Variants in GDPD4 observed in about 807,000 individuals in gnomAD.
GDPD4 encodes glycerophosphodiester phosphodiesterase 6.
Under a neutral mutation model 67.8 loss-of-function variants are expected in GDPD4, and 60 were observed. The ratio of observed to expected loss-of-function variants is 0.88; its 90% CI spans 0.72 to 1.10. GDPD4 has a LOEUF of 1.10. GDPD4 is among the 50% of genes least tolerant of loss of function. The pLI is 0.00. For missense variants in GDPD4, 623 were observed against 613.9 expected (o/e 1.01, Z -0.16); for synonymous variants, 212 against 210.9 (o/e 1.00, Z -0.04).
intron 1 of GDPD4, among the ~76,000 whole-genome samples, chr11:77,293,217 C>G (rs1937840346): frequency 6.6e-6 from 1 of 152,176 alleles, no homozygotes. Context: ...AATCCAAATG[C>G]AAAAATTCTT....
chr11:77,235,702 C>T (rs1247204704), intron 13 of GDPD4, among the ~76,000 whole-genome samples: 1 of 152,160 alleles, frequency 6.6e-6, no homozygotes, highest in Non-Finnish European at 1.5e-5. Flanking sequence ...TGCCTATAAT[C>T]CCAATGCTTT....
chr11:77,255,516 A>G (rs1958986666), intron 11 of GDPD4, among the ~76,000 whole-genome samples: 1 of 152,104 alleles, frequency 6.6e-6, no homozygotes, highest in Admixed American at 6.6e-5. Flanking sequence ...GTGTGCCGAG[A>G]TCATGCCACT....
intron 10 of GDPD4, among the ~76,000 whole-genome samples, chr11:77,264,987 T>A (rs1358817528): frequency 1.3e-5 from 2 of 152,116 alleles, no homozygotes; most frequent in African/African-American, 4.8e-5. Context: ...CTGAAATCAT[T>A]TTATTATCAA....
chr11:77,281,653 G>A (rs1163919825), intron 3 of GDPD4, among the ~76,000 whole-genome samples: 2 of 152,190 alleles, frequency 1.3e-5, no homozygotes, highest in Non-Finnish European at 2.9e-5. Context: ...GGAAGCTCTT[G>A]TAAACTTCAC....
At chr11:77,297,515 G>A (rs978290796) in intron 1 of GDPD4, among the ~76,000 whole-genome samples, 12 of 147,812 alleles carry the variant, frequency 8.1e-5, no homozygotes, top group African/African-American at 2.5e-4. Flanking sequence ...CAGCCTGGAC[G>A]ACAGAGCGAG....
intron 16 of GDPD4, among the ~76,000 whole-genome samples, chr11:77,222,318 G>C (rs189304705): frequency 3.3e-5 from 5 of 152,140 alleles, no homozygotes; most frequent in African/African-American, 9.7e-5. Context: ...TCCTAGCTTT[G>C]ACGGTCTTTA....
chr11:77,239,031 G>A (rs943013389), intron 13 of GDPD4, among the ~76,000 whole-genome samples: 12 of 152,164 alleles, frequency 7.9e-5, no homozygotes, highest in Non-Finnish European at 1.3e-4. Context: ...GATACAAGGA[G>A]GGTTCATCAT....
At chr11:77,244,984 G>A (rs183985280) in intron 12 of GDPD4, among the ~76,000 whole-genome samples, 6 of 152,206 alleles carry the variant, frequency 3.9e-5, no homozygotes, top group Admixed American at 6.5e-5. Context: ...ATGTTGGTGT[G>A]GTGCAGGTCA....
At chr11:77,237,367 T>A (rs1331164554) in intron 13 of GDPD4, among the ~76,000 whole-genome samples, 1 of 152,222 alleles carries the variant, frequency 6.6e-6, no homozygotes, top group East Asian at 1.9e-4. Flanking sequence ...TGATCTGCAA[T>A]CTAATCCTTT....
chr11:77,294,608 A>C (rs1221625266), intron 1 of GDPD4, among the ~76,000 whole-genome samples: 1 of 152,202 alleles, frequency 6.6e-6, no homozygotes, highest in Admixed American at 6.5e-5. Flanking sequence ...TTCCAATCAA[A>C]ATCTCTGAGG....
chr11:77,217,521 CT>C, intron 16 of GDPD4, among the ~76,000 whole-genome samples: 1 of 2,130 alleles, frequency 4.7e-4, no homozygotes, highest in Middle Eastern at 0.12. Context: ...TAAGAGTCTA[CT>C]ACTGCATGAG....
At chr11:77,231,718 A>G (rs1449338541) in intron 14 of GDPD4, among the ~76,000 whole-genome samples, 2 of 152,224 alleles carry the variant, frequency 1.3e-5, no homozygotes, top group African/African-American at 4.8e-5. Flanking sequence ...TTCAGGGGAT[A>G]GGATTATGGA....
intron 3 of GDPD4, among the ~76,000 whole-genome samples, chr11:77,283,517 A>G (rs1019225959): frequency 7.2e-5 from 11 of 152,030 alleles, no homozygotes; most frequent in African/African-American, 2.2e-4. Flanking sequence ...ATTTATAAAT[A>G]TAAATAAATA....
intron 3 of GDPD4, among the ~76,000 whole-genome samples, chr11:77,283,143 A>G (rs879434694): frequency 1.4e-4 from 21 of 152,218 alleles, no homozygotes; most frequent in Non-Finnish European, 2.9e-4. Context: ...TGATCATGGA[A>G]GCTAGCCAGT....
chr11:77,237,790 G>GA (rs1255856891), intron 13 of GDPD4, among the ~76,000 whole-genome samples: 1 of 152,184 alleles, frequency 6.6e-6, no homozygotes, highest in Non-Finnish European at 1.5e-5. Flanking sequence ...ATTTGTGGGA[G>GA]AAAATTAAAG....
At chr11:77,251,231 A>C (rs187681668) in intron 11 of GDPD4, among the ~76,000 whole-genome samples, 2 of 151,626 alleles carry the variant, frequency 1.3e-5, no homozygotes, top group East Asian at 3.9e-4. Flanking sequence ...CTTGTTTTTC[A>C]TTTCAGTCTG....
At chr11:77,242,880 G>T (rs1958697846) in intron 13 of GDPD4, among the ~76,000 whole-genome samples, 1 of 151,964 alleles carries the variant, frequency 6.6e-6, no homozygotes, top group Non-Finnish European at 1.5e-5. Flanking sequence ...ACAGATGCAT[G>T]CAACAGCCTT....
intron 1 of GDPD4, among the ~76,000 whole-genome samples, chr11:77,291,514 T>C (rs111885543): frequency 6.1e-4 from 93 of 152,264 alleles, no homozygotes; most frequent in African/African-American, 1.9e-3. Flanking sequence ...GCTAGAAGAT[T>C]TGAAATGTCC....
At chr11:77,296,803 T>TA (rs1289796139) in intron 1 of GDPD4, among the ~76,000 whole-genome samples, 2 of 151,890 alleles carry the variant, frequency 1.3e-5, no homozygotes, top group East Asian at 3.9e-4. Context: ...CTCATGCCTG[T>TA]AGTCCTAGCA....
Sources: allele counts gnomAD v4.1 joint callset (sites outside exome capture counted in the v4.1 genomes callset), GRCh38; gene constraint gnomAD v4.1.1; transcripts MANE v1.5; gene names NCBI Gene and HGNC (gene_info 2026-07-23, HGNC 2026-07-21).